Variants in VDR observed in about 807,000 individuals in gnomAD.
VDR encodes the protein vitamin D3 receptor.
VDR carries 19 observed loss-of-function variants against 39.7 expected under a neutral mutation model. That is an observed-to-expected ratio of 0.48 (90% confidence interval 0.33 to 0.70). The LOEUF (loss-of-function observed/expected upper bound fraction) is 0.70. VDR is among the 30% of genes least tolerant of loss of function. The pLI is 0.02. For synonymous variants in VDR, 242 were observed against 215.8 expected, an observed-to-expected ratio of 1.12 and a Z score of -1.07; for missense variants, 442 against 570.5, an observed-to-expected ratio of 0.77 and a Z score of 2.29.
At chr12:47,858,094 G>A (rs1945532527) in intron 4 of VDR, among the ~76,000 whole-genome samples, 1 of 152,166 alleles carries the variant, frequency 6.6e-6, no homozygotes, top group African/African-American at 2.4e-5. Flanking sequence ...GTGTCTGTGT[G>A]TGTTGACATG....
chr12:47,861,382 C>T (rs946444247), intron 4 of VDR, among the ~76,000 whole-genome samples: 1 of 152,266 alleles, frequency 6.6e-6, no homozygotes, highest in African/African-American at 2.4e-5. Context: ...GGAAGAAATG[C>T]TGAGATCTAC....
intron 9 of VDR, 81 bp downstream of exon 9, chr12:47,846,254 C>T: frequency 7.8e-7 from 1 of 1,281,896 alleles, no homozygotes; most frequent in Non-Finnish European, 1.1e-6. Flanking sequence ...TTCAGGTTGC[C>T]CAGCTGGCCC....
At position 47,865,154 on chromosome 12, in the gene VDR, A is replaced by G. The variant is rs1421129259; in HGVS notation, c.170T>C (p.Leu57Pro). 8 of 1,613,068 alleles carry G rather than the reference A, an allele frequency of 5.0e-6. No homozygotes were observed. Among genetic ancestry groups the G allele is most frequent in the African/African-American group, 2.7e-5 (2 of 74,930 alleles). ...FFRRSMKRKA[L>P]FTCPFNGDCR... ...GTCCCCGTTGAAGGGGCAGGTGAAT[A>G]GTGCCTTCCGCTTCATGCTTCGCCT... Residue 57 changes from leucine to proline, a missense_variant, in exon 4 of 10, where the codon CTA becomes CCA. Coordinates refer to ENST00000549336, the MANE Select transcript of VDR (RefSeq NM_000376.3).
chr12:47,859,971 C>CTTTCTTTCTTTCTT (rs1945593597), intron 4 of VDR, among the ~76,000 whole-genome samples: 1 of 137,460 alleles, frequency 7.3e-6, no homozygotes, highest in African/African-American at 2.9e-5. Flanking sequence ...TTCTTTCTTT[C>CTTTCTTTCTTTCTT]TTTCTTTCTT....
chr12:47,878,029 A>G (rs1374034147), intron 3 of VDR, among the ~76,000 whole-genome samples: 1 of 152,144 alleles, frequency 6.6e-6, no homozygotes, highest in African/African-American at 2.4e-5. Flanking sequence ...CTGGACTTGA[A>G]TTCACTGTGC....
intron 6 of VDR, among the ~76,000 whole-genome samples, chr12:47,856,379 G>A (rs929215374): frequency 5.9e-5 from 9 of 152,046 alleles, no homozygotes; most frequent in Admixed American, 2.0e-4. Flanking sequence ...GAAAATTTCC[G>A]ATAAGTGTAA....
intron 1 of VDR, chr12:47,898,254 G>C (rs1351375142): frequency 6.6e-6 from 1 of 152,224 alleles, no homozygotes; most frequent in African/African-American, 2.4e-5. Context: ...ACATGAGCCA[G>C]AAATTGGGTC....
chr12:47,904,088 G>A (rs1342949251), intron 1 of VDR, among the ~76,000 whole-genome samples: 2 of 139,306 alleles, frequency 1.4e-5, no homozygotes, highest in Admixed American at 7.2e-5. Flanking sequence ...ACGCATAGAG[G>A]AGGAGGAGGA....
At position 47,891,305 on chromosome 12, in the gene VDR, C is replaced by G. The variant is rs571229466; in HGVS notation, c.-83-8531G>C. 1.3e-4 allele frequency among the ~76,000 whole-genome samples: 20 copies of G among 152,318 alleles called. No homozygotes were observed. The South Asian group carries it at 3.7e-3, about 28-fold the overall frequency. ...GTGTGGGGATCAAACGAGCTGATCT[C>G]TGAGTAGCCCTCAGAAGGGTGCCTG... On this transcript the variant is annotated intron_variant, in intron 1 of 9. Transcript: ENST00000549336.
At chr12:47,881,449 T>C (rs922478153) in intron 2 of VDR, among the ~76,000 whole-genome samples, 1 of 152,108 alleles carries the variant, frequency 6.6e-6, no homozygotes, top group East Asian at 1.9e-4. Flanking sequence ...AATATACCTT[T>C]GTAACAAACC....
intron 7 of VDR, among the ~76,000 whole-genome samples, chr12:47,849,385 G>A (rs770534232): frequency 3.3e-5 from 5 of 152,164 alleles, no homozygotes; most frequent in Non-Finnish European, 5.9e-5. Context: ...CTCTCCTAGG[G>A]TCAGGGAGCT....
intron 2 of VDR, 130 bp downstream of exon 2, chr12:47,882,564 A>T (rs948045204): frequency 1.3e-6 from 1 of 753,024 alleles, no homozygotes; most frequent in Admixed American, 2.7e-5. Flanking sequence ...CTGGCCCGGG[A>T]CCCACCTTGC....
At position 47,846,770 on chromosome 12, in the gene VDR, G is replaced by A; in HGVS notation, c.794C>T (p.Ser265Leu). The A allele has an allele frequency of 6.2e-7, 1 of 1,614,200 alleles. No individual in the cohort carries two copies. The highest frequency in any genetic ancestry group is 8.5e-7 in the Non-Finnish European group (1 of 1,180,028). The change falls in exon 8 of 10, where the codon TCA (serine) becomes TTA (leucine). Residue 265 changes from serine to leucine, a missense_variant. Ser to Leu is a moderately radical substitution (Grantham distance 145). Transcript: ENST00000549336. ...CAACATGATGACCTCAATGGCACTT[G>A]ACTTCAGCAGTACGATCTGGTCCTC... ...TSEDQIVLLK[S>L]SAIEVIMLRS...
At chr12:47,904,396 T>G (rs561521208) in intron 1 of VDR, among the ~76,000 whole-genome samples, 75 of 146,198 alleles carry the variant, frequency 5.1e-4, no homozygotes, top group Middle Eastern at 7.0e-3. Context: ...GAACATCTAT[T>G]GACAGGCTGT....
At chr12:47,871,197 G>A (rs574443115) in intron 3 of VDR, among the ~76,000 whole-genome samples, 1 of 152,102 alleles carries the variant, frequency 6.6e-6, no homozygotes, top group African/African-American at 2.4e-5. Context: ...TGGGCGCAAT[G>A]GTGGTTACTG....
At chr12:47,870,382 C>T (rs1395400594) in intron 3 of VDR, among the ~76,000 whole-genome samples, 2 of 152,186 alleles carry the variant, frequency 1.3e-5, no homozygotes, top group African/African-American at 4.8e-5. Context: ...ACAAGAGCTT[C>T]AGGTTTCCAT....
At chr12:47,857,089 C>T in intron 6 of VDR, 40 bp downstream of exon 6, 1 of 1,613,002 alleles carries the variant, frequency 6.2e-7, no homozygotes. Context: ...ACTCCTCGCC[C>T]CCGCTCCCTT....
chr12:47,884,170 G>A (rs1440691637), intron 1 of VDR, among the ~76,000 whole-genome samples: 1 of 152,232 alleles, frequency 6.6e-6, no homozygotes, highest in African/African-American at 2.4e-5. Context: ...GCAGAAAGGA[G>A]CACTGCTTTC....
chr12:47,882,823 C>A (rs1946183157), intron 1 of VDR, 49 bp from the exon 2 acceptor site: 2 of 1,459,710 alleles, frequency 1.4e-6, no homozygotes, highest in African/African-American at 2.8e-5. Flanking sequence ...GCGCTGACCG[C>A]CTCCCCAGTC....
Sources: allele counts gnomAD v4.1 joint callset (sites outside exome capture counted in the v4.1 genomes callset), GRCh38; gene constraint gnomAD v4.1.1; transcripts MANE v1.5; gene names NCBI Gene and HGNC (gene_info 2026-07-23, HGNC 2026-07-21).